Variants in CHST8 observed in about 807,000 individuals in gnomAD.
CHST8 encodes the protein GALNAC-4-ST1.
A neutral mutation model predicts 15.0 loss-of-function variants in CHST8; 10 were observed. The ratio of observed to expected loss-of-function variants is 0.67; its 90% CI spans 0.41 to 1.13. The LOEUF (loss-of-function observed/expected upper bound fraction) is 1.13. Among genes scored for constraint, CHST8 ranks in the 50% most tolerant of loss-of-function variants. The pLI, the probability that CHST8 is intolerant of heterozygous loss-of-function variation, is 0.00. For synonymous variants in CHST8, 259 were observed against 256.6 expected (o/e 1.01, Z -0.09); for missense variants, 634 against 608.2 (o/e 1.04, Z -0.45).
At chr19:33,678,047 C>T (rs1166160625) in intron 2 of CHST8, among the ~76,000 whole-genome samples, 2 of 152,054 alleles carry the variant, frequency 1.3e-5, no homozygotes, top group Non-Finnish European at 2.9e-5. Context: ...AAAGACAGGA[C>T]ACATGTTCAG....
chr19:33,759,597 C>T (rs1974675200), intron 3 of CHST8, among the ~76,000 whole-genome samples: 1 of 152,180 alleles, frequency 6.6e-6, no homozygotes, highest in African/African-American at 2.4e-5. Flanking sequence ...GGCACGTCTG[C>T]CCCCCGCACC....
chr19:33,713,539 G>A (rs1973600636), intron 3 of CHST8, among the ~76,000 whole-genome samples: 1 of 152,062 alleles, frequency 6.6e-6, no homozygotes, highest in Non-Finnish European at 1.5e-5. Context: ...TGTCCACTGG[G>A]GAGGCTGGCA....
intron 3 of CHST8, among the ~76,000 whole-genome samples, chr19:33,731,320 G>C (rs1451355182): frequency 6.6e-6 from 1 of 152,230 alleles, no homozygotes; most frequent in Non-Finnish European, 1.5e-5. Context: ...AGTTTTCCGA[G>C]AAAGGGGTGG....
chr19:33,746,809 A>G (rs566549569), intron 3 of CHST8, among the ~76,000 whole-genome samples: 35 of 151,908 alleles, frequency 2.3e-4, no homozygotes, highest in African/African-American at 8.4e-4. Context: ...TGGCCAGATA[A>G]CTGGTACATT....
chr19:33,705,387 C>T (rs1418559047), intron 3 of CHST8, among the ~76,000 whole-genome samples: 2 of 152,110 alleles, frequency 1.3e-5, no homozygotes, highest in Non-Finnish European at 2.9e-5. Flanking sequence ...CCTGAGGGGT[C>T]GGGGAGGTGA....
chr19:33,636,250 G>A (rs2145441517), intron 1 of CHST8, among the ~76,000 whole-genome samples: 1 of 152,116 alleles, frequency 6.6e-6, no homozygotes, highest in Admixed American at 6.5e-5. Flanking sequence ...CATTAAGCAC[G>A]GACCTCTCGC....
chr19:33,746,822 G>A (rs1349591425), intron 3 of CHST8, among the ~76,000 whole-genome samples: 1 of 151,398 alleles, frequency 6.6e-6, no homozygotes, highest in East Asian at 1.9e-4. Context: ...GGTACATTTT[G>A]TTCTTTTTTT....
intron 3 of CHST8, among the ~76,000 whole-genome samples, chr19:33,700,164 G>A (rs751453939): frequency 1.3e-5 from 2 of 152,208 alleles, no homozygotes; most frequent in East Asian, 1.9e-4. Context: ...GGGCAGGTGG[G>A]TTTTATTGGA....
intron 3 of CHST8, among the ~76,000 whole-genome samples, chr19:33,729,432 C>G (rs540205676): frequency 6.6e-6 from 1 of 152,200 alleles, no homozygotes; most frequent in East Asian, 1.9e-4. Flanking sequence ...AGTCACAGCG[C>G]GTGTGTAACT....
chr19:33,751,614 C>T (rs1974422515), intron 3 of CHST8, among the ~76,000 whole-genome samples: 1 of 152,172 alleles, frequency 6.6e-6, no homozygotes, highest in South Asian at 2.1e-4. Context: ...CCTGACCGGC[C>T]CACCGTCCCC....
intron 3 of CHST8, among the ~76,000 whole-genome samples, chr19:33,725,014 G>T (rs548938570): frequency 1.1e-4 from 17 of 152,258 alleles, no homozygotes; most frequent in African/African-American, 4.1e-4. Context: ...CATCGGCAGC[G>T]CACAGCTGTC....
chr19:33,705,721 A>T (rs1973433803), intron 3 of CHST8, among the ~76,000 whole-genome samples: 1 of 152,038 alleles, frequency 6.6e-6, no homozygotes, highest in African/African-American at 2.4e-5. Context: ...CTGCCCCCCT[A>T]GGGCACCATG....
At chr19:33,679,736 T>C (rs1972860488) in intron 2 of CHST8, among the ~76,000 whole-genome samples, 1 of 152,166 alleles carries the variant, frequency 6.6e-6, no homozygotes, top group African/African-American at 2.4e-5. Flanking sequence ...ACCTTGGCCA[T>C]ATTTAGTCTC....
At chr19:33,722,553 C>T (rs1301690432) in intron 3 of CHST8, among the ~76,000 whole-genome samples, 2 of 152,188 alleles carry the variant, frequency 1.3e-5, no homozygotes, top group Non-Finnish European at 2.9e-5. Flanking sequence ...TTCCTGTGGT[C>T]TTGTCATCAG....
chr19:33,706,115 C>A (rs1386823800), intron 3 of CHST8, among the ~76,000 whole-genome samples: 2 of 152,188 alleles, frequency 1.3e-5, no homozygotes, highest in African/African-American at 4.8e-5. Flanking sequence ...TTCCTCAGAT[C>A]CCAAAAGTCT....
At chr19:33,663,546 C>G (rs554702017) in intron 1 of CHST8, among the ~76,000 whole-genome samples, 1 of 152,206 alleles carries the variant, frequency 6.6e-6, no homozygotes, top group Admixed American at 6.5e-5. Context: ...CCTGGGGGAC[C>G]TAGTGAGACC....
chr19:33,652,834 T>TTTA (rs1972466633), intron 1 of CHST8, among the ~76,000 whole-genome samples: 2 of 152,342 alleles, frequency 1.3e-5, no homozygotes, highest in South Asian at 4.1e-4. Context: ...CATTCTATTT[T>TTTA]TTATTCTCCC....
At position 33,640,015 on chromosome 19, in the gene CHST8, T is replaced by G. The variant is rs185397920; in HGVS notation, c.-164+17719T>G. Among the ~76,000 whole-genome samples the G allele has an allele frequency of 9.8e-3, 1,493 of 152,128 alleles. 14 individuals carry two copies. The highest frequency in any genetic ancestry group is 0.015 in the Non-Finnish European group (1,020 of 67,990). ...CCACCATGCCTGGCTAATTTTTTTTTGTAGTTTTAGTAGAGACAGGGTTTC... is the reference window on the plus strand; with the variant it reads ...CCACCATGCCTGGCTAATTTTTTTTGGTAGTTTTAGTAGAGACAGGGTTTC... On this transcript the variant is annotated intron_variant, in intron 1 of 4. Transcript: ENST00000650847.
rs537700823 is a variant in CHST8, at chr19:33,690,808, C to G, written c.130+1417C>G. Among the ~76,000 whole-genome samples, 57 of 152,350 alleles carry G rather than the reference C, an allele frequency of 3.7e-4. No individual in the cohort carries two copies. The Middle Eastern group carries it at 0.01, about 27-fold the overall frequency. ...GACACTGCATTGGCAGAACAGGGCC[C>G]CTCGGGACAGCGCCACCAGGGCAGA... On this transcript the variant is annotated intron_variant, in intron 3 of 4. Transcript: ENST00000650847.
Sources: gnomAD v4.1 joint callset for allele counts (sites outside exome capture counted in the v4.1 genomes callset) on GRCh38, gnomAD v4.1.1 for gene constraint, MANE v1.5 for transcripts, NCBI Gene and HGNC (gene_info 2026-07-23, HGNC 2026-07-21) for gene names.